The following FAM135B variants were observed in gnomAD, a reference collection of about 807,000 sequenced individuals.
The protein encoded by FAM135B is protein FAM135B.
Under a neutral mutation model 127.7 loss-of-function variants are expected in FAM135B, and 43 were observed. That is an observed-to-expected ratio of 0.34 (90% confidence interval 0.26 to 0.43). The LOEUF (loss-of-function observed/expected upper bound fraction) is 0.43, where lower values mean the gene tolerates loss of function less well. FAM135B is among the 20% of genes least tolerant of loss of function. The probability of loss-of-function intolerance (pLI) is 1.00; values close to 1 mark genes in which losing one functional copy is unlikely to be tolerated. For missense variants in FAM135B, 1,558 were observed against 1,725.6 expected, an observed-to-expected ratio of 0.90 and a Z score of 1.72; for synonymous variants, 670 against 665.1, an observed-to-expected ratio of 1.01 and a Z score of -0.11.
At position 138,279,060 on chromosome 8, in the gene FAM135B, T is replaced by G. The variant is rs139350614; in HGVS notation, c.158-13218A>C. Among the ~76,000 whole-genome samples the G allele has an allele frequency of 1.1e-3, 164 of 152,336 alleles. 2 individuals carry two copies. Among genetic ancestry groups the G allele is most frequent in the African/African-American group, 2.6e-3 (108 of 41,572 alleles). ...TTCTCAGAAGTCCTATCACACTGCT[T>G]GCCCAAATGACCAATCCGTAAATCT... On this transcript the variant is annotated intron_variant, in intron 3 of 19. Coordinates refer to ENST00000395297, the MANE Select transcript of FAM135B (RefSeq NM_015912.4).
intron 15 of FAM135B, chr8:138,144,439 C>T (rs1352045440): frequency 1.3e-5 from 2 of 152,090 alleles, no homozygotes; most frequent in African/African-American, 4.8e-5. Context: ...GTAAAATATA[C>T]CTAATAGAGA....
intron 7 of FAM135B, among the ~76,000 whole-genome samples, chr8:138,205,203 A>G (rs116244405): frequency 0.018 from 2,735 of 152,328 alleles, 87 homozygotes; most frequent in African/African-American, 0.058. Flanking sequence ...AACTCTATGC[A>G]ATGAGTCTGA....
intron 7 of FAM135B, among the ~76,000 whole-genome samples, chr8:138,239,338 A>G (rs566032499): frequency 3.6e-4 from 55 of 152,198 alleles, no homozygotes; most frequent in Admixed American, 2.7e-3. Flanking sequence ...TCATGTGTCT[A>G]TTGGCTGCAT....
intron 2 of FAM135B, among the ~76,000 whole-genome samples, chr8:138,312,662 C>T (rs1392447265): frequency 6.6e-6 from 1 of 152,184 alleles, no homozygotes; most frequent in Non-Finnish European, 1.5e-5. Context: ...ACTGTGGGCC[C>T]ACCTCCACCC....
At chr8:138,309,037 G>A (rs1365052516) in intron 3 of FAM135B, 2 of 448,090 alleles carry the variant, frequency 4.5e-6, no homozygotes, top group Non-Finnish European at 8.9e-6. Flanking sequence ...GAACCTCTGT[G>A]AAATAGAAAG....
At chr8:138,138,079 C>T (rs1459338433) in intron 18 of FAM135B, among the ~76,000 whole-genome samples, 1 of 152,084 alleles carries the variant, frequency 6.6e-6, no homozygotes, top group African/African-American at 2.4e-5. Flanking sequence ...AATGGTCAGC[C>T]CCTCCCCTTC....
intron 3 of FAM135B, among the ~76,000 whole-genome samples, chr8:138,308,629 A>G (rs1826437911): frequency 5.4e-5 from 1 of 18,622 alleles, no homozygotes; most frequent in Admixed American, 8.5e-4. Context: ...AAAAGAAAAT[A>G]GTTTTTTTTT....
At chr8:138,158,765 T>C (rs1369696732) in intron 12 of FAM135B, among the ~76,000 whole-genome samples, 1 of 152,124 alleles carries the variant, frequency 6.6e-6, no homozygotes, top group Non-Finnish European at 1.5e-5. Flanking sequence ...CCAGTTAGAA[T>C]GGTGATCATT....
intron 3 of FAM135B, among the ~76,000 whole-genome samples, chr8:138,294,969 T>C (rs1303473661): frequency 1.3e-5 from 2 of 152,170 alleles, no homozygotes; most frequent in African/African-American, 4.8e-5. Flanking sequence ...TGGTTCATAG[T>C]CAAATACTTC....
At position 138,148,542 on chromosome 8, in the gene FAM135B, A is replaced by T. The variant is rs1459262229; in HGVS notation, c.3426T>A (p.Val1142=). The T allele has an allele frequency of 1.9e-6, 3 of 1,614,110 alleles. No individual in the cohort carries two copies. In the Admixed American group the frequency reaches 5.0e-5, roughly 27 times the overall value. ...CACCATCCAGGCCATGGACACAGACAACCAGGTGAATTCCATCTTCCAAAT... is the reference window on the plus strand; with the variant it reads ...CACCATCCAGGCCATGGACACAGACTACCAGGTGAATTCCATCTTCCAAAT... ...EENLEDGIHL[V]VCVHGLDGNS... The change falls in exon 14 of 20, where the codon GTT becomes GTA. Residue 1142 remains valine (V), a synonymous_variant. Coordinates refer to ENST00000395297, the MANE Select transcript of FAM135B (RefSeq NM_015912.4).
chr8:138,237,843 A>G (rs1319366910), intron 7 of FAM135B, among the ~76,000 whole-genome samples: 5 of 152,152 alleles, frequency 3.3e-5, no homozygotes, highest in Non-Finnish European at 5.9e-5. Context: ...TGCATGACCC[A>G]ATTTCTTAAA....
chr8:138,345,879 G>A (rs1187634322), intron 2 of FAM135B, among the ~76,000 whole-genome samples: 1 of 152,062 alleles, frequency 6.6e-6, no homozygotes, highest in Non-Finnish European at 1.5e-5. Flanking sequence ...TGTGTTCTAT[G>A]ATTAAGTTAT....
At chr8:138,175,786 A>T (rs1037947785) in intron 11 of FAM135B, among the ~76,000 whole-genome samples, 5 of 152,166 alleles carry the variant, frequency 3.3e-5, no homozygotes, top group Non-Finnish European at 7.3e-5. Context: ...AAAACTTGAA[A>T]TTATATAATT....
intron 1 of FAM135B, among the ~76,000 whole-genome samples, chr8:138,405,465 T>C (rs916798420): frequency 6.6e-6 from 1 of 150,424 alleles, no homozygotes; most frequent in Admixed American, 6.6e-5. Flanking sequence ...CATGCGGTGT[T>C]TGGTTTTCTG....
At chr8:138,389,579 A>G (rs1315901615) in intron 1 of FAM135B, among the ~76,000 whole-genome samples, 2 of 152,186 alleles carry the variant, frequency 1.3e-5, no homozygotes, top group Non-Finnish European at 2.9e-5. Flanking sequence ...AAGGACAAAC[A>G]CTGTATGATT....
At chr8:138,424,696 G>C (rs938654141) in intron 1 of FAM135B, among the ~76,000 whole-genome samples, 11 of 152,124 alleles carry the variant, frequency 7.2e-5, no homozygotes, top group Non-Finnish European at 1.6e-4. Context: ...AAATTCAGAT[G>C]TGCCTTACCC....
At chr8:138,263,284 C>T (rs1434575512) in intron 4 of FAM135B, among the ~76,000 whole-genome samples, 1 of 152,104 alleles carries the variant, frequency 6.6e-6, no homozygotes, top group East Asian at 1.9e-4. Flanking sequence ...TAAGCAGGCT[C>T]CAGCACACCG....
In FAM135B at chr8:138,152,127, G is replaced by A. The variant is rs756413610; in HGVS notation, c.2348C>T (p.Ala783Val). 6.8e-6 allele frequency: 11 copies of A among 1,613,908 alleles called. No individual in the cohort carries two copies. In the South Asian group the frequency reaches 1.1e-4, roughly 16 times the overall value. ...TTGCTGCTTGGTGTCCGCATCTTCAGCAGCCTCCTCTGGGCTACTGATGTG... is the reference window on the plus strand; with the variant it reads ...TTGCTGCTTGGTGTCCGCATCTTCAACAGCCTCCTCTGGGCTACTGATGTG... ...APHISSPEEA[A>V]EDADTKQQDG... Residue 783 changes from alanine (A) to valine (V), a missense_variant, in exon 13 of 20, where the codon GCT becomes GTT. By Grantham distance (64) the Ala-to-Val change is moderately conservative. Transcript: ENST00000395297.
chr8:138,373,197 A>T (rs1028894260), intron 1 of FAM135B, among the ~76,000 whole-genome samples: 1 of 152,190 alleles, frequency 6.6e-6, no homozygotes, highest in Admixed American at 6.5e-5. Flanking sequence ...GTGGGAAGTC[A>T]GGGACCCCAA....
Sources: allele counts gnomAD v4.1 joint callset (sites outside exome capture counted in the v4.1 genomes callset), GRCh38; gene constraint gnomAD v4.1.1; transcripts MANE v1.5; gene names NCBI Gene and HGNC (gene_info 2026-07-23, HGNC 2026-07-21).